Variants in UVRAG observed in about 807,000 individuals in gnomAD.
The protein encoded by UVRAG is UV radiation resistance associated.
A neutral mutation model predicts 78.0 loss-of-function variants in UVRAG; 19 were observed. The observed-to-expected ratio is 0.24, with a 90% CI of 0.17 to 0.36. The LOEUF is 0.36. UVRAG is among the 10% of genes least tolerant of loss of function. The pLI is 1.00. For missense variants in UVRAG, 740 were observed against 853.8 expected (o/e 0.87, Z 1.66); for synonymous variants, 323 against 324.6 (o/e 1.00, Z 0.05).
chr11:76,038,356 CA>C (rs372629462), intron 12 of UVRAG, among the ~76,000 whole-genome samples: 25 of 143,174 alleles, frequency 1.7e-4, no homozygotes, highest in Admixed American at 6.3e-4. Flanking sequence ...ATGGTTTATG[CA>C]AAAAAAAAAT....
chr11:75,925,326 T>G (rs1487466246), intron 6 of UVRAG, among the ~76,000 whole-genome samples: 1 of 152,226 alleles, frequency 6.6e-6, no homozygotes, highest in African/African-American at 2.4e-5. Context: ...AACTTATTGA[T>G]GATTTTAGGA....
At chr11:75,899,627 C>T (rs1195822978) in intron 5 of UVRAG, among the ~76,000 whole-genome samples, 1 of 152,188 alleles carries the variant, frequency 6.6e-6, no homozygotes, top group Non-Finnish European at 1.5e-5. Flanking sequence ...TATGACATCT[C>T]CACATTTCTT....
At chr11:76,021,840 G>T (rs1029279574) in intron 12 of UVRAG, among the ~76,000 whole-genome samples, 3 of 152,184 alleles carry the variant, frequency 2.0e-5, no homozygotes, top group Non-Finnish European at 4.4e-5. Context: ...GATACTTTGA[G>T]GCCAGGAGTT....
intron 13 of UVRAG, among the ~76,000 whole-genome samples, chr11:76,111,725 TC>T (rs1429649048): frequency 6.6e-6 from 1 of 151,900 alleles, no homozygotes; most frequent in Non-Finnish European, 1.5e-5. Context: ...TACTAACCTT[TC>T]CCCGTGGGAA....
chr11:76,033,025 C>T (rs532532985), intron 12 of UVRAG, among the ~76,000 whole-genome samples: 1 of 152,182 alleles, frequency 6.6e-6, no homozygotes, highest in South Asian at 2.1e-4. Flanking sequence ...TTTTTGATCA[C>T]GGATTGGTTG....
At chr11:75,841,024 C>T (rs189736667) in intron 1 of UVRAG, among the ~76,000 whole-genome samples, 1 of 152,156 alleles carries the variant, frequency 6.6e-6, no homozygotes, top group Admixed American at 6.6e-5. Context: ...CAGTTTCCCA[C>T]AGGTTTATAT....
chr11:76,102,348 G>A (rs940151389), intron 13 of UVRAG, among the ~76,000 whole-genome samples: 5 of 152,090 alleles, frequency 3.3e-5, no homozygotes, highest in African/African-American at 1.2e-4. Flanking sequence ...ATTGTGAATG[G>A]GATTACGTTC....
chr11:76,012,800 TGTG>T (rs1565119666), intron 11 of UVRAG: 3 of 14,972 alleles, frequency 2.0e-4, no homozygotes, highest in East Asian at 4.8e-3. Flanking sequence ...AAAATGTTTG[TGTG>T]TGTGTGTGTG....
At chr11:75,828,774 TACACACATATATATATATATATATATA>T (rs1945585901) in intron 1 of UVRAG, among the ~76,000 whole-genome samples, 1 of 100,856 alleles carries the variant, frequency 9.9e-6, no homozygotes, top group African/African-American at 4.3e-5. Flanking sequence ...TATATATATA[TACACACATATATATATATATATATATA>T]TATATTTTTT....
intron 6 of UVRAG, among the ~76,000 whole-genome samples, chr11:75,929,090 A>G (rs1430238821): frequency 1.3e-5 from 2 of 152,144 alleles, no homozygotes; most frequent in East Asian, 1.9e-4. Context: ...TGATTGAACA[A>G]TTATAATTAT....
chr11:76,092,134 A>G (rs1565157383), intron 13 of UVRAG, among the ~76,000 whole-genome samples: 1 of 152,156 alleles, frequency 6.6e-6, no homozygotes, highest in Non-Finnish European at 1.5e-5. Context: ...GATGGTTTCC[A>G]GCTTCATCCA....
At chr11:75,970,475 G>A (rs868059735) in intron 7 of UVRAG, among the ~76,000 whole-genome samples, 13 of 152,310 alleles carry the variant, frequency 8.5e-5, no homozygotes, top group Middle Eastern at 6.8e-3. Context: ...GCTCATGCCT[G>A]TAATCCCAGC....
At chr11:75,999,374 T>A (rs1205041131) in intron 8 of UVRAG, among the ~76,000 whole-genome samples, 4 of 152,008 alleles carry the variant, frequency 2.6e-5, no homozygotes, top group African/African-American at 9.7e-5. Flanking sequence ...TCAGTTGTTT[T>A]TTTGTTTGTT....
At chr11:75,847,272 T>C (rs961347036) in intron 1 of UVRAG, among the ~76,000 whole-genome samples, 3 of 151,878 alleles carry the variant, frequency 2.0e-5, no homozygotes, top group Admixed American at 1.3e-4. Flanking sequence ...AGATTACAGG[T>C]GTGTGCCACC....
At chr11:75,844,686 T>TC (rs1414064683) in intron 1 of UVRAG, among the ~76,000 whole-genome samples, 3 of 151,908 alleles carry the variant, frequency 2.0e-5, no homozygotes, top group Admixed American at 1.3e-4. Context: ...TTCTTTTTTT[T>TC]TTTTGAGACA....
At chr11:76,076,975 C>T (rs1951415642) in intron 13 of UVRAG, among the ~76,000 whole-genome samples, 1 of 150,174 alleles carries the variant, frequency 6.7e-6, no homozygotes, top group African/African-American at 2.4e-5. Flanking sequence ...TGTGATTGTA[C>T]CATTGCACTC....
At chr11:75,830,028 T>TG (rs145787176) in intron 1 of UVRAG, among the ~76,000 whole-genome samples, 7,706 of 151,146 alleles carry the variant, frequency 0.051, 677 homozygotes, top group African/African-American at 0.18. Flanking sequence ...TTATTAGAGA[T>TG]GGGGTTTTGA....
intron 13 of UVRAG, among the ~76,000 whole-genome samples, chr11:76,081,216 T>C (rs1000604916): frequency 2.7e-5 from 4 of 149,854 alleles, no homozygotes; most frequent in Non-Finnish European, 6.0e-5. Context: ...GTCTCTCTCT[T>C]TTTTTTTTTG....
At chr11:76,068,412 A>G (rs1239331416) in intron 13 of UVRAG, among the ~76,000 whole-genome samples, 2 of 152,170 alleles carry the variant, frequency 1.3e-5, no homozygotes, top group Non-Finnish European at 2.9e-5. Context: ...CCAGCTTTAT[A>G]TATGCTCTTT....
Sources: gnomAD v4.1 joint callset for allele counts (sites outside exome capture counted in the v4.1 genomes callset) on GRCh38, gnomAD v4.1.1 for gene constraint, MANE v1.5 for transcripts, NCBI Gene and HGNC (gene_info 2026-07-23, HGNC 2026-07-21) for gene names.